Variants in LRP1B observed in about 807,000 individuals in gnomAD.
The protein encoded by LRP1B is LDL receptor related protein 1B, also known as low-density lipoprotein receptor-related protein 1B.
Under a neutral mutation model 556.6 loss-of-function variants are expected in LRP1B, and 217 were observed. The observed-to-expected ratio is 0.39, with a 90% confidence interval of 0.35 to 0.44. LRP1B has a LOEUF of 0.44. Among genes scored for constraint, LRP1B ranks in the 20% least tolerant of loss-of-function variants. LRP1B has a pLI of 1.00. For synonymous variants in LRP1B, 2,047 were observed against 1,865.8 expected (o/e 1.10, Z -2.50); for missense variants, 5,053 against 5,620.8 (o/e 0.90, Z 3.23).
At chr2:141,629,664 A>G (rs1433850945) in intron 2 of LRP1B, among the ~76,000 whole-genome samples, 1 of 152,040 alleles carries the variant, frequency 6.6e-6, no homozygotes, top group Non-Finnish European at 1.5e-5. Context: ...TCCACCTTTC[A>G]CTAATTGTAT....
rs570169727 is a variant in LRP1B at position 140,855,493 on chromosome 2, G to GGAAAAAAAAA, written c.4580-3711_4580-3710insTTTTTTTTTC. ...GACAGGTAGGTCCCATCTCTACTGG[G>GGAAAAAAAAA]AAAAAAAAAAAATTTGAATGGCTTC... On this transcript the variant is annotated intron_variant, in intron 27 of 90. Transcript: ENST00000389484. Among the ~76,000 whole-genome samples, 8 of 99,366 alleles carry GGAAAAAAAAA rather than the reference G, an allele frequency of 8.1e-5. 1 individual carries two copies. The highest frequency in any genetic ancestry group is 1.1e-4 in the Admixed American group (1 of 9,380). 65.2% of individuals were successfully genotyped at this position (99,366 alleles called of 152,430 possible).
At chr2:142,047,914 T>C (rs574214794) in intron 1 of LRP1B, among the ~76,000 whole-genome samples, 15 of 152,142 alleles carry the variant, frequency 9.9e-5, no homozygotes, top group African/African-American at 3.4e-4. Context: ...ATAAACCTTT[T>C]TTATGCCAAA....
intron 1 of LRP1B, among the ~76,000 whole-genome samples, chr2:141,811,544 A>G (rs1437340): frequency 0.11 from 16,684 of 152,064 alleles, 1,210 homozygotes; most frequent in African/African-American, 0.2. Context: ...TGATACCAGC[A>G]GCATAAATTT....
At chr2:140,386,170 T>C (rs1170247816) in intron 66 of LRP1B, among the ~76,000 whole-genome samples, 161 bp from the exon 67 acceptor site, 1 of 152,190 alleles carries the variant, frequency 6.6e-6, no homozygotes, top group Non-Finnish European at 1.5e-5. Context: ...GAGGAAAATA[T>C]ATATTTTTTG....
chr2:141,733,746 T>C (rs183152358), intron 2 of LRP1B, among the ~76,000 whole-genome samples: 124 of 152,276 alleles, frequency 8.1e-4, no homozygotes, highest in African/African-American at 2.8e-3. Context: ...GTACGGTTCC[T>C]ACTGCTAGAA....
chr2:140,698,575 C>G (rs1194764931), intron 41 of LRP1B, among the ~76,000 whole-genome samples: 1 of 152,044 alleles, frequency 6.6e-6, no homozygotes, highest in Non-Finnish European at 1.5e-5. Context: ...TCTTTATCCT[C>G]TCATTGTGTT....
At chr2:140,628,381 A>C (rs985256944) in intron 41 of LRP1B, among the ~76,000 whole-genome samples, 2 of 151,944 alleles carry the variant, frequency 1.3e-5, no homozygotes, top group African/African-American at 4.8e-5. Context: ...CACACAAAAA[A>C]AATAAATTAG....
At chr2:140,720,928 A>G (rs1687378407) in intron 35 of LRP1B, among the ~76,000 whole-genome samples, 1 of 152,184 alleles carries the variant, frequency 6.6e-6, no homozygotes, top group African/African-American at 2.4e-5. Flanking sequence ...AACAGGGTAG[A>G]AAACAAGGAG....
At chr2:142,000,793 G>A (rs752524586) in intron 1 of LRP1B, among the ~76,000 whole-genome samples, 16 of 152,112 alleles carry the variant, frequency 1.1e-4, no homozygotes, top group Admixed American at 5.2e-4. Flanking sequence ...GAAAACTAAG[G>A]CAGAAAAAGT....
At chr2:142,045,171 G>GA (rs1177196153) in intron 1 of LRP1B, among the ~76,000 whole-genome samples, 10 of 148,950 alleles carry the variant, frequency 6.7e-5, no homozygotes, top group African/African-American at 2.5e-4. Context: ...AACAAAAAAG[G>GA]AAATGACTGT....
At chr2:141,905,514 A>G (rs1699729450) in intron 1 of LRP1B, among the ~76,000 whole-genome samples, 1 of 151,632 alleles carries the variant, frequency 6.6e-6, no homozygotes, top group South Asian at 2.1e-4. Flanking sequence ...AATTTAAGAC[A>G]ATTGTCTTAA....
At chr2:142,054,973 T>C (rs1704609886) in intron 1 of LRP1B, among the ~76,000 whole-genome samples, 1 of 152,172 alleles carries the variant, frequency 6.6e-6, no homozygotes. Flanking sequence ...ATCTTGTCTT[T>C]AGAGTTAGTG....
chr2:140,880,841 G>C (rs1394687543), intron 25 of LRP1B, among the ~76,000 whole-genome samples: 1 of 151,956 alleles, frequency 6.6e-6, no homozygotes, highest in Non-Finnish European at 1.5e-5. Flanking sequence ...TTGAGTTCCT[G>C]TAAGTTACAT....
At chr2:141,183,920 A>G (rs1574164962) in intron 7 of LRP1B, among the ~76,000 whole-genome samples, 1 of 152,054 alleles carries the variant, frequency 6.6e-6, no homozygotes, top group African/African-American at 2.4e-5. Context: ...AGAATTAATT[A>G]TCTCCTCTTG....
intron 41 of LRP1B, among the ~76,000 whole-genome samples, chr2:140,638,603 G>T (rs16844372): frequency 0.044 from 6,675 of 152,202 alleles, 182 homozygotes; most frequent in Middle Eastern, 0.065. Context: ...TTGGTTAAAT[G>T]AATGAATCGA....
chr2:141,399,598 C>G (rs1223784212), intron 3 of LRP1B, among the ~76,000 whole-genome samples: 1 of 152,082 alleles, frequency 6.6e-6, no homozygotes, highest in African/African-American at 2.4e-5. Context: ...ACCCCCAAAC[C>G]TATAGAAACA....
At chr2:140,601,696 T>C in intron 41 of LRP1B, 57 bp from the exon 42 acceptor site, 2 of 1,297,068 alleles carry the variant, frequency 1.5e-6, no homozygotes, top group Non-Finnish European at 2.1e-6. Flanking sequence ...AAATGACTTC[T>C]GGACAGAAAA....
intron 1 of LRP1B, among the ~76,000 whole-genome samples, chr2:141,983,649 T>C (rs2105099841): frequency 6.6e-6 from 1 of 152,252 alleles, no homozygotes; most frequent in South Asian, 2.1e-4. Flanking sequence ...ACAGTGAAAA[T>C]CTATAAAAGT....
At chr2:142,049,940 C>T (rs1251304298) in intron 1 of LRP1B, among the ~76,000 whole-genome samples, 3 of 152,084 alleles carry the variant, frequency 2.0e-5, no homozygotes, top group African/African-American at 2.4e-5. Context: ...GCACTTCTAT[C>T]GCATGGCCAC....
Sources: gnomAD v4.1 joint callset for allele counts (sites outside exome capture counted in the v4.1 genomes callset) on GRCh38, gnomAD v4.1.1 for gene constraint, MANE v1.5 for transcripts, NCBI Gene and HGNC (gene_info 2026-07-23, HGNC 2026-07-21) for gene names.